The following RFLNA variants were observed in gnomAD, a reference collection of about 807,000 sequenced individuals.
RFLNA encodes the protein refilin-A.
In RFLNA, 5 loss-of-function variants were observed where a neutral mutation model predicts 7.8. The ratio of observed to expected loss-of-function variants is 0.64; its 90% CI spans 0.34 to 1.35. RFLNA has a LOEUF of 1.35. Ranked by LOEUF, RFLNA falls within the 40% of genes most tolerant of loss-of-function variation. RFLNA has a pLI of 0.04. For synonymous variants in RFLNA, 141 were observed against 131.3 expected (o/e 1.07, Z -0.50); for missense variants, 278 against 305.5 (o/e 0.91, Z 0.67).
intron 1 of RFLNA, among the ~76,000 whole-genome samples, chr12:124,302,123 G>A (rs1298018935): frequency 6.6e-6 from 1 of 152,138 alleles, no homozygotes; most frequent in East Asian, 1.9e-4. Flanking sequence ...CCTTGGATCA[G>A]GGTCCACCCT....
In RFLNA at chr12:124,289,950, T is replaced by A. The variant is rs2033792641; in HGVS notation, c.-37+580T>A. Among the ~76,000 whole-genome samples, 1 of 152,178 alleles carries A rather than the reference T, an allele frequency of 6.6e-6. No individual in the cohort carries two copies. Among genetic ancestry groups the A allele is most frequent in the African/African-American group, 2.4e-5 (1 of 41,426 alleles). The stretch of plus-strand genomic sequence containing the variant: ...CTTCACTCTGAAACATTTGACCACA[T>A]GCCCGGCTGGACAGCTCAGACAGGG... On this transcript the variant is annotated intron_variant, in intron 1 of 2. Transcript: ENST00000324038. The surrounding 1 kb of genome is among the most constrained non-coding windows in gnomAD (Gnocchi z 5.0).
chr12:124,313,996 C>T (rs1211409769), intron 2 of RFLNA, among the ~76,000 whole-genome samples, 196 bp from the exon 3 acceptor site: 1 of 152,146 alleles, frequency 6.6e-6, no homozygotes, highest in Non-Finnish European at 1.5e-5. Flanking sequence ...TTAGCTGTCT[C>T]GCCTCTTTAG....
At chr12:124,311,597 T>C in intron 1 of RFLNA, 1 of 446,014 alleles carries the variant, frequency 2.2e-6, no homozygotes, top group Non-Finnish European at 3.9e-6. Flanking sequence ...AGGCTGGTGG[T>C]GGAGAGCTGG....
At position 124,313,634 on chromosome 12, in the gene RFLNA, G is replaced by A. The variant is rs527492489; in HGVS notation, c.318-558G>A. On this transcript the variant is annotated intron_variant, in intron 2 of 2. Transcript: ENST00000546355. ...GCGGAGCTTGCAGAGAGCCGAGATC[G>A]CGCCACTGCACTCCAGCCTGGGTGA... Among the ~76,000 whole-genome samples the A allele has an allele frequency of 2.4e-4, 37 of 151,482 alleles. No homozygotes were observed. In the South Asian group the frequency reaches 2.5e-3, roughly 10 times the overall value.
In RFLNA at chr12:124,295,612, C is replaced by T; in HGVS notation, c.183C>T (p.Pro61=). Residue 61 remains proline (P), a synonymous_variant, in exon 1 of 3, where the codon CCC becomes CCT. Transcript: ENST00000546355. The part of the protein sequence containing the change: ...RAGGAGASSE[P]PGPSEARAPP... ...GGGGCGCCGGCGCCTCCTCGGAGCC[C>T]CCGGGACCCAGCGAGGCCAGAGCGG... 1 of 1,222,486 alleles carries T rather than the reference C, an allele frequency of 8.2e-7. No individual in the cohort carries two copies. The highest frequency in any genetic ancestry group is 1.0e-6 in the Non-Finnish European group (1 of 983,656). The allele number at this position is 1,222,486 out of a possible 1,614,324, so 75.7% of individuals were successfully genotyped here. A position where few individuals can be genotyped will look rare whatever the true frequency, so the allele number is the denominator to read the frequency against.
upstream of RFLNA, among the ~76,000 whole-genome samples, chr12:124,294,610 C>T (rs998071179): frequency 3.9e-5 from 6 of 152,194 alleles, no homozygotes; most frequent in African/African-American, 1.4e-4. Context: ...CCGCCCCCAC[C>T]CACAGGTTCC....
At chr12:124,307,136 G>A (rs1224520044) in intron 1 of RFLNA, among the ~76,000 whole-genome samples, 2 of 152,222 alleles carry the variant, frequency 1.3e-5, no homozygotes, top group Non-Finnish European at 2.9e-5. Flanking sequence ...ATCGTGATCT[G>A]GGTAGGGCCA....
chr12:124,314,634 G>C lies in RFLNA; in HGVS notation c.*109G>C. 1 of 1,513,038 alleles carries C rather than the reference G, an allele frequency of 6.6e-7. No individual in the cohort carries two copies. Among genetic ancestry groups the C allele is most frequent in the Non-Finnish European group, 8.9e-7 (1 of 1,126,628 alleles). 93.7% of individuals were successfully genotyped at this position (1,513,038 alleles called of 1,614,324 possible). ...GGCACTCGGGCAGGAGGCGGGAAGGGAGGCTGCCAGACCAAGGACCCGTGT... is the reference window on the plus strand; with the variant it reads ...GGCACTCGGGCAGGAGGCGGGAAGGCAGGCTGCCAGACCAAGGACCCGTGT... On this transcript the variant is annotated 3_prime_UTR_variant, in exon 3 of 3. Transcript: ENST00000546355.
intron 1 of RFLNA, among the ~76,000 whole-genome samples, chr12:124,296,393 T>C (rs2033929553): frequency 6.6e-6 from 1 of 150,762 alleles, no homozygotes; most frequent in African/African-American, 2.4e-5. Flanking sequence ...TGCCTGAGAC[T>C]GGGCACCCCC....
rs1163377504 is a variant in RFLNA at position 124,302,792 on chromosome 12, CGAGGTCAGGGGCT to C, written c.207+7169_207+7181del. 2.3e-3 allele frequency among the ~76,000 whole-genome samples: 313 copies of C among 136,934 alleles called. 10 individuals are homozygous for C. Among genetic ancestry groups the C allele is most frequent in the African/African-American group, 6.2e-3 (230 of 37,312 alleles). The allele number at this position is 136,934 out of a possible 152,430, so 89.8% of individuals were successfully genotyped here. On this transcript the variant is annotated intron_variant, in intron 1 of 2. Transcript: ENST00000546355. Reference sequence around the variant, plus strand: ...AGGTCAGGGGCCGAGGTCAGGGGGCCGAGGTCAGGGGCTGAGGTCAGGGGCCGAGGTCAGGGGC... The same window carrying C: ...AGGTCAGGGGCCGAGGTCAGGGGGCCGAGGTCAGGGGCCGAGGTCAGGGGC...
At chr12:124,294,669 CGG>C (rs1369040857), upstream of RFLNA, among the ~76,000 whole-genome samples, 1 of 152,190 alleles carries the variant, frequency 6.6e-6, no homozygotes, top group Non-Finnish European at 1.5e-5. Flanking sequence ...CCTGGGTGTG[CGG>C]GTAACCGAGA....
At chr12:124,309,084 A>AG (rs1284783214) in intron 1 of RFLNA, among the ~76,000 whole-genome samples, 1 of 152,128 alleles carries the variant, frequency 6.6e-6, no homozygotes, top group Non-Finnish European at 1.5e-5. Flanking sequence ...CCTGCATGCC[A>AG]GGGGGAGGCA....
chr12:124,295,293 C>A lies in RFLNA; in HGVS notation c.-137C>A. On this transcript the variant is annotated 5_prime_UTR_variant, in exon 1 of 3. Coordinates refer to ENST00000546355, the MANE Select transcript of RFLNA (RefSeq NM_001365156.1). Reference sequence around the variant, plus strand: ...GATCCGGGGCGCGGGGGGCGCCGGGCCTGATCGCCGCCTCTCGCGGTGCCC... The same window carrying A: ...GATCCGGGGCGCGGGGGGCGCCGGGACTGATCGCCGCCTCTCGCGGTGCCC... The A allele has an allele frequency of 3.8e-6, 1 of 260,642 alleles. No homozygotes were observed. The highest frequency in any genetic ancestry group is 6.4e-6 in the Non-Finnish European group (1 of 155,694). The allele number at this position is 260,642 out of a possible 1,614,324, so 16.1% of individuals were successfully genotyped here.
rs935493353 is a variant in RFLNA, at chr12:124,306,295, C to T, written c.208-5523C>T. ...GTAGATGGGTGCTCCCGTGTCCCCA[C>T]AGAGGATGCCCCTAAGACTTGGAGA... On this transcript the variant is annotated intron_variant, in intron 1 of 2. Transcript: ENST00000546355. The surrounding 1 kb of genome is among the most constrained non-coding windows in gnomAD (Gnocchi z 5.2). Among the ~76,000 whole-genome samples the T allele has an allele frequency of 7.2e-5, 11 of 152,174 alleles. 1 individual carries two copies. In the South Asian group the frequency reaches 1.9e-3, roughly 26 times the overall value.
At position 124,314,578 on chromosome 12, in the gene RFLNA, G is replaced by T. The variant is rs755323301; in HGVS notation, c.*53G>T. The T allele has an allele frequency of 8.3e-5, 127 of 1,537,058 alleles. No homozygotes were observed. Among genetic ancestry groups the T allele is most frequent in the Non-Finnish European group, 1.1e-4 (121 of 1,147,104 alleles). On this transcript the variant is annotated 3_prime_UTR_variant, in exon 3 of 3. Coordinates refer to ENST00000546355, the MANE Select transcript of RFLNA (RefSeq NM_001365156.1). ...GAGGAGCCGGGAGCCCTGGGGAGAA[G>T]CCGGGAGGATGGACACGATGAGCTC...
At chr12:124,292,058 C>A (rs2033832636), upstream of RFLNA, among the ~76,000 whole-genome samples, 1 of 152,242 alleles carries the variant, frequency 6.6e-6, no homozygotes, top group African/African-American at 2.4e-5. Flanking sequence ...TATCTACTTT[C>A]TCTGCCCAAT....
At chr12:124,311,776 A>G (rs1216783382) in intron 1 of RFLNA, 42 bp from the exon 2 acceptor site, 6 of 1,495,896 alleles carry the variant, frequency 4.0e-6, no homozygotes, top group South Asian at 2.6e-5. Flanking sequence ...GGCCACTGCA[A>G]CAAGGGGCTG....
intron 1 of RFLNA, among the ~76,000 whole-genome samples, chr12:124,304,958 T>C (rs2034112865): frequency 6.6e-6 from 1 of 152,144 alleles, no homozygotes; most frequent in Non-Finnish European, 1.5e-5. Context: ...CTTGGGAAAA[T>C]GCCGAGCTTC....
upstream of RFLNA, among the ~76,000 whole-genome samples, chr12:124,291,071 C>T (rs953210121): frequency 1.3e-5 from 2 of 152,138 alleles, no homozygotes; most frequent in Non-Finnish European, 2.9e-5. Context: ...ATGACGACCT[C>T]AGTCCTCCTG....
Sources: allele counts gnomAD v4.1 joint callset (sites outside exome capture counted in the v4.1 genomes callset), GRCh38; gene constraint gnomAD v4.1.1; non-coding constraint Gnocchi (gnomAD v3.1); transcripts MANE v1.5; gene names NCBI Gene and HGNC (gene_info 2026-07-23, HGNC 2026-07-21).